VDAC2: variants seen among roughly 807,000 people sequenced by gnomAD.
VDAC2 encodes non-selective voltage-gated ion channel VDAC2.
Under a neutral mutation model 36.6 loss-of-function variants are expected in VDAC2, and 6 were observed. That is an observed-to-expected ratio of 0.16 (90% CI 0.09 to 0.32). The LOEUF (loss-of-function observed/expected upper bound fraction) is 0.32. Among genes scored for constraint, VDAC2 ranks in the 10% least tolerant of loss-of-function variants. The pLI is 1.00. For synonymous variants in VDAC2, 109 were observed against 123.8 expected, an observed-to-expected ratio of 0.88 and a Z score of 0.79; for missense variants, 247 against 346.0, an observed-to-expected ratio of 0.71 and a Z score of 2.27.
chr10:75,218,333 T>G (rs965885589), intron 4 of VDAC2: 4 of 152,392 alleles, frequency 2.6e-5, no homozygotes, highest in African/African-American at 9.7e-5. Context: ...TTTCTTAATT[T>G]TTGTAGAGAC....
chr10:75,216,359 G>A (rs1322659895), intron 4 of VDAC2, among the ~76,000 whole-genome samples: 2 of 152,202 alleles, frequency 1.3e-5, no homozygotes, highest in East Asian at 3.8e-4. Context: ...TGTTGGAAAG[G>A]AATAGATTGT....
chr10:75,229,645 C>T lies in VDAC2; in HGVS notation c.737C>T (p.Ala246Val), dbSNP rs1419747829. Residue 246 changes from alanine (A) to valine (V), a missense_variant and splice_region_variant, in exon 9 of 10, where the codon GCA (alanine) becomes GTA (valine). Physicochemically the swap from Ala to Val is moderately conservative, Grantham distance 64. Transcript: ENST00000332211. ...YQLDPTASIS[A>V]KVNNSSLIGV... is the part of the protein sequence containing the mutation. ...AGTTGTTTTTGTATTTTATTTTAGG[C>T]AAAAGTCAACAACTCTAGCTTAATT... is the stretch of plus-strand genomic sequence containing the variant. 1.9e-6 allele frequency: 3 copies of T among 1,600,492 alleles called. No individual in the cohort carries two copies. In the African/African-American group the frequency reaches 4.0e-5, roughly 22 times the overall value.
At chr10:75,212,070 A>G (rs1841440241) in intron 2 of VDAC2, among the ~76,000 whole-genome samples, 160 bp from the exon 3 acceptor site, 1 of 152,222 alleles carries the variant, frequency 6.6e-6, no homozygotes, top group African/African-American at 2.4e-5. Flanking sequence ...TATCTCCTTT[A>G]TGGGTCGTTA....
chr10:75,226,213 A>G (rs1370701928), intron 8 of VDAC2, among the ~76,000 whole-genome samples: 2 of 152,136 alleles, frequency 1.3e-5, no homozygotes, highest in African/African-American at 2.4e-5. Flanking sequence ...AACATCCTTG[A>G]CAGATATATG....
At chr10:75,211,252 A>G (rs1841409760) in intron 2 of VDAC2, 63 bp downstream of exon 2, 2 of 1,587,594 alleles carry the variant, frequency 1.3e-6, no homozygotes, top group African/African-American at 1.3e-5. Context: ...TCGACCAGAA[A>G]CCCAGTTTGT....
chr10:75,211,718 T>C (rs1841429802), intron 2 of VDAC2: 2 of 1,532,500 alleles, frequency 1.3e-6, no homozygotes, highest in East Asian at 4.9e-5. Context: ...GAAACACACA[T>C]GGCAGTATTT....
At chr10:75,221,234 G>A (rs1371159626) in intron 7 of VDAC2, among the ~76,000 whole-genome samples, 1 of 152,208 alleles carries the variant, frequency 6.6e-6, no homozygotes, top group Non-Finnish European at 1.5e-5. Flanking sequence ...TATATTGGCA[G>A]ACTGCTACCA....
intron 4 of VDAC2, 68 bp downstream of exon 4, chr10:75,214,138 C>A: frequency 6.7e-7 from 1 of 1,500,250 alleles, no homozygotes. Context: ...ATGGTCATAA[C>A]TGAAAGATGT....
chr10:75,230,912 C>T lies in VDAC2; in HGVS notation c.808C>T (p.Leu270Phe), dbSNP rs781391424. 12 of 1,613,546 alleles carry T rather than the reference C, an allele frequency of 7.4e-6. No individual in the cohort carries two copies. The highest frequency in any genetic ancestry group is 3.3e-5 in the Admixed American group (2 of 59,950). ...QTLRPGVKLT[L>F]SALVDGKSIN... Reference sequence around the variant, plus strand: ...TGTCTTAATAGGTGTGAAGCTTACACTCTCTGCTCTGGTAGATGGGAAGAG... The same window carrying T: ...TGTCTTAATAGGTGTGAAGCTTACATTCTCTGCTCTGGTAGATGGGAAGAG... Residue 270 changes from leucine to phenylalanine, a missense_variant, in exon 10 of 10, where the codon CTC becomes TTC. By Grantham distance (22) the Leu-to-Phe change is conservative. This residue lies in a region of VDAC2 where 159 missense variants were observed against 234.0 expected (regional missense o/e 0.68). Transcript: ENST00000332211.
chr10:75,214,725 A>G (rs528096045), intron 4 of VDAC2, among the ~76,000 whole-genome samples: 20 of 152,172 alleles, frequency 1.3e-4, no homozygotes, highest in African/African-American at 2.4e-4. Context: ...GGGTTTCACC[A>G]TGTTGGCCAG....
At chr10:75,222,056 G>T (rs553780591) in intron 7 of VDAC2, among the ~76,000 whole-genome samples, 196 bp from the exon 8 acceptor site, 1 of 152,294 alleles carries the variant, frequency 6.6e-6, no homozygotes, top group Admixed American at 6.5e-5. Flanking sequence ...TGGATATTCT[G>T]TGGTTCATTT....
chr10:75,219,625 C>G (rs1186225067), intron 6 of VDAC2, among the ~76,000 whole-genome samples: 1 of 152,022 alleles, frequency 6.6e-6, no homozygotes, highest in East Asian at 1.9e-4. Context: ...GCTGGGACTA[C>G]AGGTGCGTGC....
intron 6 of VDAC2, among the ~76,000 whole-genome samples, chr10:75,220,502 T>C (rs190191522): frequency 6.6e-6 from 1 of 152,314 alleles, no homozygotes; most frequent in Admixed American, 6.5e-5. Context: ...AACTAATGTG[T>C]TTCTAACAGG....
intron 4 of VDAC2, chr10:75,218,179 C>G (rs1324195886): frequency 2.9e-6 from 1 of 340,760 alleles, no homozygotes; most frequent in Non-Finnish European, 5.8e-6. Context: ...TATTTTTAGA[C>G]AGGGTCTCAC....
At chr10:75,214,457 G>A (rs1841535241) in intron 4 of VDAC2, among the ~76,000 whole-genome samples, 1 of 152,146 alleles carries the variant, frequency 6.6e-6, no homozygotes, top group Non-Finnish European at 1.5e-5. Flanking sequence ...TTTATATAAT[G>A]TCCATTTTCT....
intron 4 of VDAC2, chr10:75,217,807 T>C (rs1329562495): frequency 9.6e-6 from 8 of 830,418 alleles, no homozygotes; most frequent in African/African-American, 5.3e-5. Context: ...GCAATAGTTA[T>C]ACAAATGTTC....
chr10:75,225,865 T>C (rs1167828215), intron 8 of VDAC2, among the ~76,000 whole-genome samples: 1 of 152,130 alleles, frequency 6.6e-6, no homozygotes, highest in Non-Finnish European at 1.5e-5. Context: ...TGATCTCGGC[T>C]CACTGCAACC....
intron 8 of VDAC2, among the ~76,000 whole-genome samples, chr10:75,228,164 G>C (rs1842012737): frequency 6.6e-6 from 1 of 152,176 alleles, no homozygotes; most frequent in African/African-American, 2.4e-5. Context: ...AAAGTGCTGG[G>C]ATTACAGGCG....
chr10:75,217,913 C>T (rs1358365885), intron 4 of VDAC2: 1 of 1,288,272 alleles, frequency 7.8e-7, no homozygotes, highest in African/African-American at 1.5e-5. Context: ...GCTGTAGTCT[C>T]TTTATTATTT....
Sources: allele counts gnomAD v4.1 joint callset (sites outside exome capture counted in the v4.1 genomes callset), GRCh38; gene constraint gnomAD v4.1.1; regional missense constraint gnomAD v4.1.1; transcripts MANE v1.5; gene names NCBI Gene and HGNC (gene_info 2026-07-23, HGNC 2026-07-21).